Variants in CNGB1 observed in about 807,000 individuals in gnomAD.
The protein encoded by CNGB1 is cyclic nucleotide-gated channel beta-1.
CNGB1 carries 126 observed loss-of-function variants against 151.7 expected under a neutral mutation model. The observed-to-expected ratio is 0.83, with a 90% CI of 0.72 to 0.96. The LOEUF (loss-of-function observed/expected upper bound fraction) is 0.96. Among genes scored for constraint, CNGB1 ranks in the 40% least tolerant of loss-of-function variants. CNGB1 has a pLI of 0.00. For synonymous variants in CNGB1, 623 were observed against 635.1 expected (o/e 0.98, Z 0.29); for missense variants, 1,698 against 1,627.0 (o/e 1.04, Z -0.75).
At chr16:57,908,355 C>A (rs999614084) in intron 25 of CNGB1, among the ~76,000 whole-genome samples, 3 of 152,276 alleles carry the variant, frequency 2.0e-5, no homozygotes, top group African/African-American at 7.2e-5. Context: ...AGCATCCCAC[C>A]TGTTCCCACT....
At chr16:57,940,156 CA>C (rs1290388506) in intron 15 of CNGB1, 77 bp downstream of exon 15, 23 of 1,390,744 alleles carry the variant, frequency 1.7e-5, no homozygotes, top group African/African-American at 5.7e-5. Flanking sequence ...CCCCTGTAAG[CA>C]AAGTGGACAA....
chr16:57,912,328 C>T (rs1960740291), intron 24 of CNGB1, among the ~76,000 whole-genome samples: 1 of 152,192 alleles, frequency 6.6e-6, no homozygotes, highest in South Asian at 2.1e-4. Context: ...GCTCCAGTTC[C>T]CTGAGCTGAG....
intron 2 of CNGB1, 108 bp downstream of exon 2, chr16:57,967,020 G>C: frequency 6.5e-7 from 1 of 1,533,820 alleles, no homozygotes; most frequent in Non-Finnish European, 8.9e-7. Flanking sequence ...TTTTCCTTCT[G>C]ATGCCAACCT....
intron 32 of CNGB1, among the ~76,000 whole-genome samples, chr16:57,885,284 G>C (rs1959883104): frequency 6.6e-6 from 1 of 152,196 alleles, no homozygotes; most frequent in African/African-American, 2.4e-5. Flanking sequence ...AGCAGTCAAT[G>C]TGCTTGTGCA....
chr16:57,967,248 T>C lies in CNGB1; in HGVS notation c.39A>G (p.Pro13=), dbSNP rs1416176782. Residue 13 remains proline, a synonymous_variant, in exon 2 of 33, where the codon CCA becomes CCG. Transcript: ENST00000251102. ...GCATCTTGGTCTTCCGAGGGGTCCC[T>C]GGGGGCTGAGGCAGCACCCTCTGGA... ...GWVQRVLPQP[P]GTPRKTKMQE... 4 of 1,614,158 alleles carry C rather than the reference T, an allele frequency of 2.5e-6. No homozygotes were observed. The South Asian group carries it at 4.4e-5, about 18-fold the overall frequency.
chr16:57,949,252 C>G, intron 14 of CNGB1, 101 bp downstream of exon 14: 2 of 1,592,730 alleles, frequency 1.3e-6, no homozygotes, highest in Non-Finnish European at 1.7e-6. Flanking sequence ...CACAGAACAA[C>G]AGAAAGGAGC....
In CNGB1 at chr16:57,939,479, C is replaced by T. The variant is rs1340175211; in HGVS notation, c.1323G>A (p.Ala441=). Residue 441 remains alanine (A), a synonymous_variant, in exon 16 of 33, where the codon GCG becomes GCA. Transcript: ENST00000251102. ...EEAEKEPQDW[A]ETKEEPEAEA... ...CAGCCTCAGGCTCCTCCTTGGTCTC[C>T]GCCCAGTCCTGGGGCTCCTTTTCAG... The T allele has an allele frequency of 9.3e-6, 15 of 1,614,040 alleles. No individual in the cohort carries two copies. The highest frequency in any genetic ancestry group is 2.7e-5 in the African/African-American group (2 of 74,918).
chr16:57,932,989 ACTGCAACCTCTGCCTC>A (rs1191675409), intron 16 of CNGB1, among the ~76,000 whole-genome samples: 1 of 152,124 alleles, frequency 6.6e-6, no homozygotes. Flanking sequence ...ATTGCAGCTC[ACTGCAACCTCTGCCTC>A]CTGCAACCTC....
intron 20 of CNGB1, among the ~76,000 whole-genome samples, chr16:57,918,108 G>GTTATTTATTTATTTAT (rs35373193): frequency 7.0e-6 from 1 of 142,352 alleles, no homozygotes; most frequent in Non-Finnish European, 1.5e-5. Context: ...AGATCATCTG[G>GTTATTTATTTATTTAT]TTATTTATTT....
chr16:57,932,569 G>GA (rs1961385805), intron 16 of CNGB1, among the ~76,000 whole-genome samples: 1 of 146,502 alleles, frequency 6.8e-6, no homozygotes. Context: ...CGCCCGGCTA[G>GA]TTTTTGTTTT....
intron 17 of CNGB1, among the ~76,000 whole-genome samples, chr16:57,929,985 T>C (rs1458451542): frequency 3.3e-5 from 5 of 151,964 alleles, no homozygotes; most frequent in Non-Finnish European, 5.9e-5. Context: ...TGTGGAGAAA[T>C]AGGAAAAATG....
chr16:57,890,704 G>A (rs1423443882), intron 31 of CNGB1, among the ~76,000 whole-genome samples: 1 of 152,218 alleles, frequency 6.6e-6, no homozygotes, highest in Non-Finnish European at 1.5e-5. Context: ...TGGGGACCCA[G>A]GTCCCCCATC....
chr16:57,937,951 A>G (rs1961556620), intron 16 of CNGB1, among the ~76,000 whole-genome samples: 1 of 152,246 alleles, frequency 6.6e-6, no homozygotes, highest in African/African-American at 2.4e-5. Context: ...TTTGAGGACC[A>G]GGGCTCAAGG....
intron 12 of CNGB1, among the ~76,000 whole-genome samples, chr16:57,956,720 G>T (rs903094585): frequency 3.9e-5 from 6 of 152,210 alleles, no homozygotes; most frequent in Non-Finnish European, 8.8e-5. Context: ...CCTTAACTAT[G>T]TATTGAATGA....
intron 10 of CNGB1, 57 bp downstream of exon 10, chr16:57,959,831 G>A (rs926259758): frequency 1.1e-5 from 16 of 1,434,138 alleles, no homozygotes; most frequent in Non-Finnish European, 1.1e-5. Flanking sequence ...GTGTTAGGCG[G>A]GGACAAGGTG....
chr16:57,891,616 G>A (rs1185178669), intron 31 of CNGB1, among the ~76,000 whole-genome samples: 3 of 152,174 alleles, frequency 2.0e-5, no homozygotes, highest in African/African-American at 7.2e-5. Flanking sequence ...CATTACAGTG[G>A]TGTGATCTTG....
chr16:57,892,960 A>G (rs184658104), intron 31 of CNGB1, among the ~76,000 whole-genome samples: 70 of 152,228 alleles, frequency 4.6e-4, no homozygotes, highest in Non-Finnish European at 8.8e-4. Context: ...ATCATCGCTC[A>G]TCTTTCCATT....
chr16:57,906,751 C>T (rs183589127), intron 25 of CNGB1, among the ~76,000 whole-genome samples: 121 of 152,310 alleles, frequency 7.9e-4, no homozygotes, highest in South Asian at 2.5e-3. Context: ...GACATAGGCG[C>T]GATGTCCACA....
intron 23 of CNGB1, among the ~76,000 whole-genome samples, chr16:57,913,390 T>C (rs1018848266): frequency 1.3e-5 from 2 of 152,228 alleles, no homozygotes; most frequent in Admixed American, 1.3e-4. Context: ...CCCACTCTTA[T>C]ATCCTTCAAA....
Sources: gnomAD v4.1 joint callset for allele counts (sites outside exome capture counted in the v4.1 genomes callset) on GRCh38, gnomAD v4.1.1 for gene constraint, MANE v1.5 for transcripts, NCBI Gene and HGNC (gene_info 2026-07-23, HGNC 2026-07-21) for gene names.